The following FILIP1 variants were observed in gnomAD, a reference collection of about 807,000 sequenced individuals.
FILIP1 encodes filamin A interacting protein 1, also known as filamin-A-interacting protein 1.
FILIP1 carries 61 observed loss-of-function variants against 102.1 expected under a neutral mutation model. The observed-to-expected ratio is 0.60, with a 90% CI of 0.49 to 0.74. The LOEUF (loss-of-function observed/expected upper bound fraction) is 0.74. Among genes scored for constraint, FILIP1 ranks in the 30% least tolerant of loss-of-function variants. The probability of loss-of-function intolerance (pLI) is 0.00; values close to 1 mark genes in which losing one functional copy is unlikely to be tolerated. For synonymous variants in FILIP1, 491 were observed against 526.9 expected (o/e 0.93, Z 0.93); for missense variants, 1,314 against 1,441.2 (o/e 0.91, Z 1.43).
intron 1 of FILIP1, among the ~76,000 whole-genome samples, chr6:75,433,731 G>C (rs572582566): frequency 6.6e-6 from 1 of 152,264 alleles, no homozygotes; most frequent in East Asian, 1.9e-4. Context: ...TATTGCCATT[G>C]CTTTTGGTGT....
At chr6:75,364,749 A>G (rs1469299835) in intron 2 of FILIP1, among the ~76,000 whole-genome samples, 1 of 152,170 alleles carries the variant, frequency 6.6e-6, no homozygotes, top group Non-Finnish European at 1.5e-5. Flanking sequence ...GTGCCACACT[A>G]ATAGATTATG....
chr6:75,296,629 A>G (rs1432803175), intron 6 of FILIP1: 1 of 150,174 alleles, frequency 6.7e-6, no homozygotes, highest in Non-Finnish European at 1.5e-5. Context: ...CCTCCCCAGT[A>G]GCTGGGACTA....
intron 6 of FILIP1, among the ~76,000 whole-genome samples, chr6:75,302,768 A>T (rs563930068): frequency 6.6e-6 from 1 of 152,100 alleles, no homozygotes; most frequent in South Asian, 2.1e-4. Flanking sequence ...TTCTATGAGT[A>T]ATAAGGAACT....
chr6:75,433,463 CATAA>C (rs768686513), intron 1 of FILIP1, among the ~76,000 whole-genome samples: 9 of 152,176 alleles, frequency 5.9e-5, no homozygotes, highest in Admixed American at 2.6e-4. Flanking sequence ...CTTTTGGCTG[CATAA>C]ATGTCTTCTT....
At chr6:75,360,562 A>G (rs1775143325) in intron 3 of FILIP1, 2 of 152,230 alleles carry the variant, frequency 1.3e-5, no homozygotes, top group Admixed American at 1.3e-4. Context: ...AAAGCCTTCA[A>G]TGTTTTTGGA....
Position 75,486,731 on chromosome 6 carries a change from G to T in FILIP1, c.-7+6683C>A, listed in dbSNP as rs568291629. Among the ~76,000 whole-genome samples, 81 of 152,070 alleles carry T rather than the reference G, an allele frequency of 5.3e-4. 2 individuals carry two copies. The South Asian group carries it at 0.017, about 31-fold the overall frequency. On this transcript the variant is annotated intron_variant, in intron 1 of 5. Transcript: ENST00000237172. ...TAGTGATAAAAATAGTACCTCATAG[G>T]GTTGTTACGAGAAGCAAATAAAATC... is the stretch of plus-strand genomic sequence containing the variant.
intron 4 of FILIP1, among the ~76,000 whole-genome samples, chr6:75,345,417 G>A (rs1774544024): frequency 6.6e-6 from 1 of 151,030 alleles, no homozygotes; most frequent in Non-Finnish European, 1.5e-5. Context: ...AAACAAGCAA[G>A]CGGGAAGCTC....
intron 4 of FILIP1, among the ~76,000 whole-genome samples, chr6:75,328,639 C>A (rs1773957058): frequency 6.6e-6 from 1 of 152,164 alleles, no homozygotes; most frequent in Non-Finnish European, 1.5e-5. Flanking sequence ...CAGGCATGCA[C>A]CACCACGCCT....
intron 5 of FILIP1, among the ~76,000 whole-genome samples, chr6:75,311,556 G>A (rs1321083920): frequency 6.6e-6 from 1 of 152,140 alleles, no homozygotes; most frequent in Non-Finnish European, 1.5e-5. Flanking sequence ...GAGTGGCATG[G>A]CACAATCTCA....
intron 1 of FILIP1, among the ~76,000 whole-genome samples, chr6:75,440,904 G>A (rs141307600): frequency 2.7e-5 from 4 of 150,330 alleles, no homozygotes; most frequent in East Asian, 1.9e-4. Flanking sequence ...AGCCGAGATC[G>A]TGCCGTTGCA....
chr6:75,476,159 T>C (rs1170231551), intron 1 of FILIP1, among the ~76,000 whole-genome samples: 1 of 150,636 alleles, frequency 6.6e-6, no homozygotes, highest in African/African-American at 2.4e-5. Context: ...GAGAATGACT[T>C]AAACCTGGGA....
intron 1 of FILIP1, among the ~76,000 whole-genome samples, chr6:75,438,479 T>C (rs532881982): frequency 6.6e-6 from 1 of 152,352 alleles, no homozygotes; most frequent in South Asian, 2.1e-4. Context: ...CTGCATATTA[T>C]AGCTTTGGTG....
At chr6:75,332,957 T>C (rs866748730) in intron 4 of FILIP1, among the ~76,000 whole-genome samples, 5 of 152,228 alleles carry the variant, frequency 3.3e-5, no homozygotes, top group Non-Finnish European at 7.3e-5. Context: ...TTATACAGTA[T>C]GGGAGCTCAC....
At chr6:75,400,600 C>G (rs866662029) in intron 2 of FILIP1, among the ~76,000 whole-genome samples, 1 of 151,976 alleles carries the variant, frequency 6.6e-6, no homozygotes, top group South Asian at 2.1e-4. Context: ...AGGGTAGGGA[C>G]CTTTCTGATA....
chr6:75,347,918 C>G (rs1341492416), intron 4 of FILIP1, among the ~76,000 whole-genome samples: 1 of 152,178 alleles, frequency 6.6e-6, no homozygotes, highest in South Asian at 2.1e-4. Context: ...CTTTAAAAAA[C>G]TTAACTTACA....
At position 75,367,891 on chromosome 6, in the gene FILIP1, G is replaced by A. The variant is rs1043471283; in HGVS notation, c.277-4974C>T. ...AAAATGTAAGAAAACTTCTGTTCTT[G>A]AGCATTAATATTTTCACATAGAAAT... On this transcript the variant is annotated intron_variant, in intron 2 of 5. Transcript: ENST00000237172. Among the ~76,000 whole-genome samples the A allele has an allele frequency of 9.2e-5, 14 of 152,096 alleles. 1 individual carries two copies. Among genetic ancestry groups the A allele is most frequent in the Non-Finnish European group, 1.9e-4 (13 of 68,016 alleles).
At chr6:75,398,595 C>CAGAAGAG (rs1776544011) in intron 2 of FILIP1, among the ~76,000 whole-genome samples, 2 of 152,012 alleles carry the variant, frequency 1.3e-5, no homozygotes, top group African/African-American at 4.8e-5. Context: ...TGAAACTGTT[C>CAGAAGAG]AGAAGAGAGA....
chr6:75,415,580 TGGACAGAGGAAAAG>T (rs1272837808), intron 1 of FILIP1, among the ~76,000 whole-genome samples: 1 of 128,660 alleles, frequency 7.8e-6, no homozygotes, highest in Admixed American at 7.7e-5. Flanking sequence ...GGGCTTAAAA[TGGACAGAGGAAAAG>T]GGAAAAGCAA....
chr6:75,451,148 C>T (rs1482613318), intron 1 of FILIP1, among the ~76,000 whole-genome samples: 1 of 151,562 alleles, frequency 6.6e-6, no homozygotes, highest in African/African-American at 2.4e-5. Flanking sequence ...GATTGAGGAA[C>T]TGCTTTGATA....
Sources: gnomAD v4.1 joint callset for allele counts (sites outside exome capture counted in the v4.1 genomes callset) on GRCh38, gnomAD v4.1.1 for gene constraint, MANE v1.5 for transcripts, NCBI Gene and HGNC (gene_info 2026-07-23, HGNC 2026-07-21) for gene names.